Variants in RGS6 observed in about 807,000 individuals in gnomAD.
The protein encoded by RGS6 is regulator of G protein signaling 6.
A neutral mutation model predicts 78.5 loss-of-function variants in RGS6; 30 were observed. The observed-to-expected ratio is 0.38, with a 90% CI of 0.29 to 0.52. RGS6 has a LOEUF of 0.52. RGS6 is among the 20% of genes least tolerant of loss of function. RGS6 has a pLI of 0.85. For missense variants in RGS6, 495 were observed against 609.7 expected, an observed-to-expected ratio of 0.81 and a Z score of 1.98; for synonymous variants, 206 against 206.0, an observed-to-expected ratio of 1.00 and a Z score of 0.00.
At chr14:72,493,320 G>A (rs533132945) in intron 12 of RGS6, among the ~76,000 whole-genome samples, 6 of 152,196 alleles carry the variant, frequency 3.9e-5, no homozygotes, top group African/African-American at 1.4e-4. Context: ...AAATGAGAAG[G>A]TATTTCATCC....
intron 2 of RGS6, among the ~76,000 whole-genome samples, chr14:72,161,337 A>G (rs1598609974): frequency 6.6e-6 from 1 of 152,172 alleles, no homozygotes; most frequent in South Asian, 2.1e-4. Context: ...ATACCTATGT[A>G]AGAAACCTGC....
At chr14:72,290,998 G>A (rs996510960) in intron 2 of RGS6, among the ~76,000 whole-genome samples, 3 of 151,990 alleles carry the variant, frequency 2.0e-5, no homozygotes, top group South Asian at 2.1e-4. Context: ...TTCTGCTCCC[G>A]CCAGATGATC....
intron 2 of RGS6, among the ~76,000 whole-genome samples, chr14:72,054,063 T>C (rs1440583212): frequency 6.6e-6 from 1 of 152,206 alleles, no homozygotes; most frequent in African/African-American, 2.4e-5. Context: ...ATTTATCTTT[T>C]AGGTTGAGGA....
intron 15 of RGS6, among the ~76,000 whole-genome samples, chr14:72,526,669 A>G (rs1191906205): frequency 2.5e-4 from 36 of 145,932 alleles, no homozygotes; most frequent in Admixed American, 2.4e-3. Flanking sequence ...TTAGGAGGCT[A>G]AGGAAATCCA....
At chr14:71,945,452 A>T (rs2152973731) in intron 1 of RGS6, among the ~76,000 whole-genome samples, 1 of 152,374 alleles carries the variant, frequency 6.6e-6, no homozygotes, top group East Asian at 1.9e-4. Flanking sequence ...AGTTAGGTAA[A>T]GGAAATGAGG....
chr14:72,312,903 T>C (rs1363862404), intron 2 of RGS6, among the ~76,000 whole-genome samples: 1 of 152,188 alleles, frequency 6.6e-6, no homozygotes, highest in Non-Finnish European at 1.5e-5. Context: ...GCTACTCATA[T>C]TCTTTGGCTT....
chr14:72,255,247 C>T (rs2153861788), intron 2 of RGS6, among the ~76,000 whole-genome samples: 1 of 152,232 alleles, frequency 6.6e-6, no homozygotes, highest in African/African-American at 2.4e-5. Context: ...TCATACCTGG[C>T]CCCAGGGTGA....
At chr14:72,091,417 A>C (rs1042192295) in intron 2 of RGS6, among the ~76,000 whole-genome samples, 2 of 152,074 alleles carry the variant, frequency 1.3e-5, no homozygotes, top group African/African-American at 4.8e-5. Flanking sequence ...GGGGACCAGG[A>C]CCAGATTACC....
At chr14:72,474,581 A>G (rs1401999100) in intron 9 of RGS6, 44 bp from the exon 10 acceptor site, 1 of 1,559,598 alleles carries the variant, frequency 6.4e-7, no homozygotes, top group African/African-American at 1.4e-5. Context: ...TTGGAAGTGT[A>G]ATTTTCACGT....
At chr14:72,611,991 C>A in the RGS6 span, among the ~76,000 whole-genome samples, 2 of 152,188 alleles carry the variant, frequency 1.3e-5, no homozygotes, top group Non-Finnish European at 2.9e-5. Flanking sequence ...GGCCAGCATG[C>A]GGTTTATTTT....
chr14:72,585,820 T>C, the RGS6 span, among the ~76,000 whole-genome samples: 4 of 152,236 alleles, frequency 2.6e-5, no homozygotes, highest in African/African-American at 9.6e-5. Flanking sequence ...CTACCTTCTA[T>C]ACACTTCTCC....
At chr14:72,509,638 G>T (rs1192155361) in intron 13 of RGS6, among the ~76,000 whole-genome samples, 3 of 152,190 alleles carry the variant, frequency 2.0e-5, no homozygotes, top group African/African-American at 7.2e-5. Context: ...GTAACATTCT[G>T]CTTCTAACAA....
intron 17 of RGS6, among the ~76,000 whole-genome samples, chr14:72,544,801 A>T (rs1000896693): frequency 3.3e-5 from 5 of 152,188 alleles, no homozygotes; most frequent in Non-Finnish European, 7.3e-5. Flanking sequence ...GGAAGAGCTA[A>T]TGAGAGCCAA....
intron 15 of RGS6, among the ~76,000 whole-genome samples, chr14:72,521,421 T>G (rs80132088): frequency 0.018 from 2,789 of 152,276 alleles, 92 homozygotes; most frequent in African/African-American, 0.063. Flanking sequence ...TTCAAGAAAG[T>G]TTTGATGGAA....
chr14:72,475,691 T>C (rs2096222525), intron 10 of RGS6, among the ~76,000 whole-genome samples: 2 of 151,998 alleles, frequency 1.3e-5, no homozygotes, highest in South Asian at 2.1e-4. Context: ...ATCGCGCCAT[T>C]GTACTCCAGC....
At chr14:71,914,748 G>A in the RGS6 span, among the ~76,000 whole-genome samples, 3 of 151,646 alleles carry the variant, frequency 2.0e-5, no homozygotes, top group African/African-American at 4.8e-5. Flanking sequence ...ACTTCTTTAC[G>A]GGACAAAAAT....
chr14:72,177,509 A>T (rs901840948), intron 2 of RGS6, among the ~76,000 whole-genome samples: 2 of 152,166 alleles, frequency 1.3e-5, no homozygotes, highest in African/African-American at 4.8e-5. Context: ...TTTTTACTAC[A>T]TGTAGGTCCA....
At chr14:72,444,796 T>C (rs80312133) in intron 3 of RGS6, among the ~76,000 whole-genome samples, 79 of 12,946 alleles carry the variant, frequency 6.1e-3, no homozygotes, top group East Asian at 0.083. Flanking sequence ...GGTTTAGGAG[T>C]GCATATGGCA....
intron 14 of RGS6, among the ~76,000 whole-genome samples, chr14:72,510,541 A>G (rs1452895667): frequency 5.3e-5 from 8 of 152,360 alleles, no homozygotes; most frequent in Non-Finnish European, 1.0e-4. Flanking sequence ...AGTCTTCAAT[A>G]ATAATTAGTC....
Sources: gnomAD v4.1 joint callset for allele counts (sites outside exome capture counted in the v4.1 genomes callset) on GRCh38, gnomAD v4.1.1 for gene constraint, MANE v1.5 for transcripts, NCBI Gene and HGNC (gene_info 2026-07-23, HGNC 2026-07-21) for gene names.